RBM6: variants seen among roughly 807,000 people sequenced by gnomAD.
RBM6 encodes the protein RNA binding motif protein 6.
In RBM6, 23 loss-of-function variants were observed where a neutral mutation model predicts 140.4. The observed-to-expected ratio is 0.16, with a 90% CI of 0.12 to 0.23. The LOEUF is 0.23. Among genes scored for constraint, RBM6 ranks in the 10% least tolerant of loss-of-function variants. The pLI, the probability that RBM6 is intolerant of heterozygous loss-of-function variation, is 1.00. For synonymous variants in RBM6, 439 were observed against 475.6 expected (o/e 0.92, Z 1.00); for missense variants, 1,139 against 1,386.7 (o/e 0.82, Z 2.84).
At chr3:50,025,128 A>G (rs776437390) in intron 6 of RBM6, among the ~76,000 whole-genome samples, 2 of 151,494 alleles carry the variant, frequency 1.3e-5, no homozygotes, top group African/African-American at 2.4e-5. Context: ...TGTTTTTTCA[A>G]AGTTGTTATT....
chr3:50,060,925 G>A (rs1288001259), intron 11 of RBM6, 31 bp from the exon 12 acceptor site: 1 of 1,534,538 alleles, frequency 6.5e-7, no homozygotes, highest in East Asian at 2.3e-5. Flanking sequence ...CTTGGTAGCA[G>A]CCTTAAGAAT....
intron 1 of RBM6, among the ~76,000 whole-genome samples, chr3:49,951,294 C>T (rs1293236566): frequency 1.3e-5 from 2 of 151,900 alleles, no homozygotes; most frequent in African/African-American, 4.8e-5. Flanking sequence ...CTCACTGCAA[C>T]CTCTGCCTCC....
At chr3:50,024,373 A>G (rs2087679060) in intron 6 of RBM6, among the ~76,000 whole-genome samples, 2 of 152,108 alleles carry the variant, frequency 1.3e-5, no homozygotes. Flanking sequence ...CTGAATGAAA[A>G]AAACAGAACA....
At chr3:49,996,154 G>C (rs780124843) in intron 5 of RBM6, among the ~76,000 whole-genome samples, 2 of 152,128 alleles carry the variant, frequency 1.3e-5, no homozygotes, top group Non-Finnish European at 2.9e-5. Context: ...GGCATTCACT[G>C]TGCTGGCTGT....
chr3:50,019,668 T>C (rs923645606), intron 6 of RBM6, among the ~76,000 whole-genome samples: 1 of 152,156 alleles, frequency 6.6e-6, no homozygotes, highest in East Asian at 1.9e-4. Context: ...AAGGAGCTGT[T>C]GAGAATACAT....
intron 3 of RBM6, among the ~76,000 whole-genome samples, chr3:49,971,308 G>T (rs2084782491): frequency 6.7e-6 from 1 of 149,316 alleles, no homozygotes; most frequent in Non-Finnish European, 1.5e-5. Flanking sequence ...AGCCAGGTGT[G>T]GAGGTGGGCG....
intron 9 of RBM6, 59 bp downstream of exon 9, chr3:50,058,062 C>A: frequency 6.4e-7 from 1 of 1,562,484 alleles, no homozygotes; most frequent in Admixed American, 1.8e-5. Context: ...GCATAGATGG[C>A]CAATGTTATG....
intron 9 of RBM6, 29 bp downstream of exon 9, chr3:50,058,032 A>G (rs775912459): frequency 1.2e-6 from 2 of 1,604,230 alleles, no homozygotes; most frequent in South Asian, 1.1e-5. Flanking sequence ...CACATACCAG[A>G]CTGTGATCAT....
chr3:50,058,099 C>A, intron 9 of RBM6, 96 bp downstream of exon 9: 1 of 1,419,720 alleles, frequency 7.0e-7, no homozygotes, highest in Admixed American at 2.2e-5. Context: ...TTTCCAGTAC[C>A]CTGAGAGATC....
chr3:50,061,903 T>C, intron 14 of RBM6, 59 bp from the exon 15 acceptor site: 1 of 1,581,100 alleles, frequency 6.3e-7, no homozygotes. Context: ...GCCTTAGACC[T>C]GGAATTGCTG....
At chr3:49,997,010 A>T (rs915071254) in intron 5 of RBM6, among the ~76,000 whole-genome samples, 2 of 152,170 alleles carry the variant, frequency 1.3e-5, no homozygotes, top group Non-Finnish European at 2.9e-5. Context: ...CTCTTAAGAT[A>T]GTATTGTGAA....
intron 1 of RBM6, among the ~76,000 whole-genome samples, chr3:49,955,508 C>T (rs916337431): frequency 4.6e-5 from 7 of 151,978 alleles, no homozygotes; most frequent in African/African-American, 1.7e-4. Flanking sequence ...AGTGATTCTC[C>T]TGCCTTAGAC....
At chr3:49,941,640 CAAAAAAAAAAA>C (rs1171636981) in intron 1 of RBM6, among the ~76,000 whole-genome samples, 8 of 58,728 alleles carry the variant, frequency 1.4e-4, no homozygotes, top group South Asian at 9.3e-4. Context: ...AACTCTGTCT[CAAAAAAAAAAA>C]AAAAAAAAAA....
intron 5 of RBM6, among the ~76,000 whole-genome samples, chr3:49,986,847 A>G (rs922626269): frequency 6.9e-6 from 1 of 144,782 alleles, no homozygotes; most frequent in Non-Finnish European, 1.5e-5. Flanking sequence ...GTGCATTGGC[A>G]TGCTCACGGC....
At chr3:50,048,171 G>T (rs1225711988) in intron 6 of RBM6, 74 bp from the exon 7 acceptor site, 2 of 1,562,628 alleles carry the variant, frequency 1.3e-6, no homozygotes, top group East Asian at 2.3e-5. Flanking sequence ...GATTGGAAAG[G>T]CTCTCTGTGC....
intron 5 of RBM6, among the ~76,000 whole-genome samples, chr3:49,981,057 C>T (rs1193197377): frequency 6.6e-6 from 1 of 151,626 alleles, no homozygotes; most frequent in Admixed American, 6.6e-5. Flanking sequence ...CGCCTGCCAC[C>T]ATGCCCAGCT....
intron 6 of RBM6, among the ~76,000 whole-genome samples, chr3:50,043,139 T>C (rs886909216): frequency 8.5e-5 from 13 of 152,214 alleles, no homozygotes; most frequent in African/African-American, 3.1e-4. Flanking sequence ...TTAAGCCTAA[T>C]CTAACACTGC....
chr3:49,948,828 T>A (rs1182438131), intron 1 of RBM6, among the ~76,000 whole-genome samples: 1 of 42,248 alleles, frequency 2.4e-5, no homozygotes, highest in African/African-American at 7.4e-5. Flanking sequence ...ACATACCCAA[T>A]TTTTTTTTTT....
intron 6 of RBM6, among the ~76,000 whole-genome samples, chr3:50,017,125 T>C (rs924398031): frequency 2.6e-5 from 4 of 152,172 alleles, no homozygotes; most frequent in African/African-American, 7.2e-5. Context: ...TATGCCCAGC[T>C]CCTTATGGTT....
Sources: allele counts gnomAD v4.1 joint callset (sites outside exome capture counted in the v4.1 genomes callset), GRCh38; gene constraint gnomAD v4.1.1; transcripts MANE v1.5; gene names NCBI Gene and HGNC (gene_info 2026-07-23, HGNC 2026-07-21).